ZBED6: variants seen among roughly 807,000 people sequenced by gnomAD.
The protein encoded by ZBED6 is zinc finger BED-type containing 6.
A neutral mutation model predicts 58.4 loss-of-function variants in ZBED6; 40 were observed. The ratio of observed to expected loss-of-function variants is 0.68; its 90% confidence interval spans 0.53 to 0.89. The LOEUF is 0.89. ZBED6 is among the 40% of genes least tolerant of loss of function. The probability of loss-of-function intolerance (pLI) is 0.00; values close to 1 mark genes in which losing one functional copy is unlikely to be tolerated. For missense variants in ZBED6, 1,057 were observed against 1,003.9 expected (o/e 1.05, Z -0.71); for synonymous variants, 439 against 350.6 (o/e 1.25, Z -2.82).
At chr1:203,848,639 G>T (rs983054551) in intron 13 of ZBED6, among the ~76,000 whole-genome samples, 1 of 152,160 alleles carries the variant, frequency 6.6e-6, no homozygotes, top group Non-Finnish European at 1.5e-5. Context: ...TGTAATCCCA[G>T]CACTTTGGGA....
At chr1:203,802,863 TGTG>T (rs1670969351) in exon 1 of ZBED6, 1 of 152,562 alleles carries the variant, frequency 6.6e-6, no homozygotes, top group Non-Finnish European at 1.5e-5. Flanking sequence ...GTGTTTGAAT[TGTG>T]GCTGAGAGGT....
rs1475499642 is a variant in ZBED6, at chr1:203,851,250, G to C, written c.*4873+126G>C. On this transcript the variant is annotated intron_variant, in intron 16 of 16. Coordinates refer to ENST00000550078, the Ensembl canonical transcript of ZBED6. ...AAATCTGTTGCACTTCAAATTAATT[G>C]CAAGAAAGTATGAAAATCTAGGGTT... is the stretch of plus-strand genomic sequence containing the variant. The C allele has an allele frequency of 6.0e-6, 5 of 839,070 alleles. No individual in the cohort carries two copies. In the Admixed American group the frequency reaches 1.4e-4, roughly 24 times the overall value. 52.0% of individuals were successfully genotyped at this position (839,070 alleles called of 1,614,324 possible).
chr1:203,802,358 T>C (rs1040995293), exon 1 of ZBED6: 1 of 152,572 alleles, frequency 6.6e-6, no homozygotes, highest in Non-Finnish European at 1.5e-5. Flanking sequence ...TGAACCCAAA[T>C]CTAAAGTCTT....
chr1:203,800,097 A>G (rs1558089317), exon 1 of ZBED6: 1 of 1,536,140 alleles, frequency 6.5e-7, no homozygotes, highest in East Asian at 2.4e-5. Context: ...CAAAAGCTTC[A>G]TGTTCCCTTC....
chr1:203,829,999 G>T, intron 6 of ZBED6, 103 bp downstream of exon 6: 3 of 1,314,190 alleles, frequency 2.3e-6, no homozygotes, highest in Non-Finnish European at 3.3e-6. Flanking sequence ...CATGCTACAC[G>T]CATACTTACC....
At chr1:203,836,370 TGCAAA>T (rs963179132) in intron 9 of ZBED6, among the ~76,000 whole-genome samples, 2 of 152,166 alleles carry the variant, frequency 1.3e-5, no homozygotes, top group Non-Finnish European at 1.5e-5. Flanking sequence ...TTTGATACCT[TGCAAA>T]CAATGTAACT....
At chr1:203,827,887 A>G (rs186242924) in intron 3 of ZBED6, among the ~76,000 whole-genome samples, 53 of 152,312 alleles carry the variant, frequency 3.5e-4, no homozygotes, top group Non-Finnish European at 7.3e-5. Context: ...TCTTCATAAG[A>G]AACCATTTAT....
intron 9 of ZBED6, 120 bp downstream of exon 9, chr1:203,833,973 A>G (rs1683361528): frequency 8.6e-6 from 12 of 1,396,700 alleles, no homozygotes; most frequent in Non-Finnish European, 1.0e-5. Context: ...GGCTGAAAGC[A>G]CTTATAAATT....
intron 9 of ZBED6, chr1:203,835,930 CT>C: frequency 5.0e-6 from 1 of 198,144 alleles, no homozygotes; most frequent in Non-Finnish European, 1.1e-5. Context: ...TTAAGAAGTC[CT>C]GTTCCCAGGA....
Position 203,849,696 on chromosome 1 carries a change from C to G in ZBED6, c.*4323-15C>G, listed in dbSNP as rs776103552. 6.2e-7 allele frequency: 1 copy of G among 1,612,332 alleles called. No individual in the cohort carries two copies. Among genetic ancestry groups the G allele is most frequent in the South Asian group, 1.1e-5 (1 of 90,986 alleles). On this transcript the variant is annotated splice_polypyrimidine_tract_variant and intron_variant, in intron 13 of 16. Transcript: ENST00000550078. ...GGTACCAGATTTTAATTCTGTCATT[C>G]AAATTTATCCACAGGCTTCAGGTGA...
In ZBED6 at chr1:203,818,308, C is replaced by T. The variant is rs1306319930; in HGVS notation, c.*2754-262C>T. On this transcript the variant is annotated intron_variant, in intron 2 of 16. Transcript: ENST00000550078. ...ATACATTTTTAAAGAGGACCTAACA[C>T]TCCTACTTGTCTTTTTCAACTCTTT... 3.6e-3 allele frequency among the ~76,000 whole-genome samples: 540 copies of T among 150,918 alleles called. 4 individuals carry two copies. The highest frequency in any genetic ancestry group is 6.5e-3 in the Non-Finnish European group (437 of 66,998).
chr1:203,830,853 C>T (rs2103027140), intron 7 of ZBED6, among the ~76,000 whole-genome samples: 1 of 147,660 alleles, frequency 6.8e-6, no homozygotes, highest in South Asian at 2.1e-4. Flanking sequence ...TAGAAGAGTT[C>T]TTCCTCAAGA....
intron 1 of ZBED6, among the ~76,000 whole-genome samples, chr1:203,806,882 TTTC>T (rs2102543274): frequency 6.7e-6 from 1 of 150,142 alleles, no homozygotes; most frequent in East Asian, 2.0e-4. Context: ...TTCAAGTACT[TTTC>T]TTCACTTTTT....
At chr1:203,814,100 G>T (rs952748353) in intron 1 of ZBED6, among the ~76,000 whole-genome samples, 1 of 152,052 alleles carries the variant, frequency 6.6e-6, no homozygotes, top group Admixed American at 6.6e-5. Context: ...GTAAGCAGCA[G>T]GAAAAGCCCA....
intron 7 of ZBED6, among the ~76,000 whole-genome samples, chr1:203,831,353 T>C (rs1485768501): frequency 1.4e-4 from 22 of 152,210 alleles, no homozygotes; most frequent in Admixed American, 9.8e-4. Context: ...ATGGCTAGTG[T>C]ACCTCTGAGG....
At chr1:203,848,915 T>TA (rs11441457) in intron 13 of ZBED6, among the ~76,000 whole-genome samples, 19,203 of 152,172 alleles carry the variant, frequency 0.13, 1,592 homozygotes, top group East Asian at 0.29. Flanking sequence ...TTTTCAGTCT[T>TA]GCTCTGTTGC....
chr1:203,823,994 C>T (rs1236717716), intron 3 of ZBED6, among the ~76,000 whole-genome samples: 2 of 152,078 alleles, frequency 1.3e-5, no homozygotes, highest in Non-Finnish European at 2.9e-5. Context: ...GGAAGCCGGG[C>T]GCCGTGGCTC....
chr1:203,820,949 AC>A (rs1678439786), intron 3 of ZBED6, among the ~76,000 whole-genome samples: 1 of 151,956 alleles, frequency 6.6e-6, no homozygotes, highest in Admixed American at 6.6e-5. Flanking sequence ...TAGACCCTTT[AC>A]CCCGTTTCTC....
intron 10 of ZBED6, among the ~76,000 whole-genome samples, chr1:203,839,171 CGTG>C (rs1032147922): frequency 6.6e-6 from 1 of 151,992 alleles, no homozygotes; most frequent in African/African-American, 2.4e-5. Context: ...GATTTGGAGA[CGTG>C]GACTAAATCA....
Sources: allele counts gnomAD v4.1 joint callset (sites outside exome capture counted in the v4.1 genomes callset), GRCh38; gene constraint gnomAD v4.1.1; transcripts MANE v1.5; gene names NCBI Gene and HGNC (gene_info 2026-07-23, HGNC 2026-07-21).